The following C12orf42 variants were observed in gnomAD, a reference collection of about 807,000 sequenced individuals.
The protein encoded by C12orf42 is chromosome 12 open reading frame 42.
C12orf42 carries 25 observed loss-of-function variants against 21.6 expected under a neutral mutation model. The ratio of observed to expected loss-of-function variants is 1.16; its 90% CI spans 0.84 to 1.62. The LOEUF (loss-of-function observed/expected upper bound fraction) is 1.62, where lower values mean the gene tolerates loss of function less well. C12orf42 is among the 40% of genes most tolerant of loss of function. The pLI, the probability that C12orf42 is intolerant of heterozygous loss-of-function variation, is 0.00. For missense variants in C12orf42, 483 were observed against 459.3 expected (o/e 1.05, Z -0.47); for synonymous variants, 174 against 175.0 (o/e 0.99, Z 0.05).
intron 4 of C12orf42, among the ~76,000 whole-genome samples, chr12:103,279,012 TCTC>T (rs1193640681): frequency 2.0e-5 from 3 of 152,172 alleles, no homozygotes; most frequent in Admixed American, 6.5e-5. Flanking sequence ...CTTAACATAA[TCTC>T]CTCTGGGCTC....
chr12:103,465,811 T>C (rs1019360297), intron 2 of C12orf42, among the ~76,000 whole-genome samples: 1 of 152,178 alleles, frequency 6.6e-6, no homozygotes, highest in Non-Finnish European at 1.5e-5. Flanking sequence ...CATGAAGGGA[T>C]GTTGAATTTT....
chr12:103,339,265 G>C (rs1427441234), intron 4 of C12orf42, among the ~76,000 whole-genome samples: 1 of 152,152 alleles, frequency 6.6e-6, no homozygotes, highest in African/African-American at 2.4e-5. Context: ...AAGTAAACTT[G>C]CGTCATGGAG....
chr12:103,053,620 C>G, the C12orf42 span, among the ~76,000 whole-genome samples: 1 of 151,914 alleles, frequency 6.6e-6, no homozygotes, highest in East Asian at 1.9e-4. Context: ...TGAATTATCA[C>G]TTTTTAAAAA....
intron 10 of C12orf42, among the ~76,000 whole-genome samples, chr12:103,258,724 C>T (rs1426575777): frequency 6.6e-6 from 1 of 151,918 alleles, no homozygotes; most frequent in African/African-American, 2.4e-5. Context: ...TTCAGGGTAC[C>T]TTTGCAAATA....
At chr12:103,513,982 C>T in the C12orf42 span, among the ~76,000 whole-genome samples, 42 of 152,092 alleles carry the variant, frequency 2.8e-4, no homozygotes, top group Middle Eastern at 3.4e-3. Flanking sequence ...AAGACAAAAC[C>T]GAGACTAGGT....
At chr12:103,230,676 G>A in the C12orf42 span, among the ~76,000 whole-genome samples, 6 of 152,220 alleles carry the variant, frequency 3.9e-5, no homozygotes, top group African/African-American at 9.6e-5. Flanking sequence ...ATTCATTCCC[G>A]AAATTATTGA....
At chr12:103,480,966 GAC>G in intron 1 of C12orf42, among the ~76,000 whole-genome samples, 1 of 151,660 alleles carries the variant, frequency 6.6e-6, no homozygotes, top group East Asian at 1.9e-4. Flanking sequence ...GTTAATTACT[GAC>G]AGAGATATAT....
At chr12:103,257,637 G>A (rs977872913) in intron 10 of C12orf42, among the ~76,000 whole-genome samples, 5 of 151,860 alleles carry the variant, frequency 3.3e-5, no homozygotes, top group African/African-American at 9.7e-5. Context: ...ACATAGTTAA[G>A]GGAAACAGAA....
chr12:103,435,942 AT>A (rs1480423219), intron 2 of C12orf42, among the ~76,000 whole-genome samples: 77 of 149,188 alleles, frequency 5.2e-4, no homozygotes, highest in African/African-American at 1.8e-3. Flanking sequence ...TCCAAGACAC[AT>A]AATTGTCAGA....
the C12orf42 span, among the ~76,000 whole-genome samples, chr12:103,208,904 T>G: frequency 6.6e-6 from 1 of 152,134 alleles, no homozygotes; most frequent in Non-Finnish European, 1.5e-5. Flanking sequence ...CTTATCCTCA[T>G]GAACAGTTTC....
At chr12:103,526,953 C>A in the C12orf42 span, among the ~76,000 whole-genome samples, 11 of 152,178 alleles carry the variant, frequency 7.2e-5, no homozygotes, top group Non-Finnish European at 8.8e-5. Context: ...AAAACTTGTG[C>A]TTTCTTCATT....
At chr12:103,145,111 G>C in the C12orf42 span, among the ~76,000 whole-genome samples, 1 of 152,178 alleles carries the variant, frequency 6.6e-6, no homozygotes, top group East Asian at 1.9e-4. Context: ...ATAAGGGTTA[G>C]TATTGAATAT....
the C12orf42 span, among the ~76,000 whole-genome samples, chr12:103,217,709 C>G: frequency 6.6e-6 from 1 of 152,056 alleles, no homozygotes; most frequent in African/African-American, 2.4e-5. Context: ...CAGTCTGAAG[C>G]TTAGTGTGCA....
At chr12:103,412,215 C>A (rs2048903797) in intron 2 of C12orf42, among the ~76,000 whole-genome samples, 1 of 152,178 alleles carries the variant, frequency 6.6e-6, no homozygotes, top group Non-Finnish European at 1.5e-5. Flanking sequence ...TAGTTCAGAA[C>A]TGAAATGAGA....
At chr12:103,483,467 T>C (rs985608075) in intron 1 of C12orf42, among the ~76,000 whole-genome samples, 1 of 152,030 alleles carries the variant, frequency 6.6e-6, no homozygotes, top group Non-Finnish European at 1.5e-5. Flanking sequence ...TAAATTAAAT[T>C]CTCCAGTTGA....
the C12orf42 span, among the ~76,000 whole-genome samples, chr12:103,560,929 G>A: frequency 6.6e-6 from 1 of 152,182 alleles, no homozygotes; most frequent in East Asian, 1.9e-4. Flanking sequence ...GCGTCACTGG[G>A]AGTCATCCTT....
the C12orf42 span, among the ~76,000 whole-genome samples, chr12:103,185,103 G>A: frequency 1.3e-5 from 2 of 152,154 alleles, no homozygotes. Context: ...CAGTAACTAA[G>A]GGTATGGGAT....
At chr12:103,233,423 A>C (rs149661644), downstream of C12orf42, among the ~76,000 whole-genome samples, 1,802 of 152,334 alleles carry the variant, frequency 0.012, 38 homozygotes, top group African/African-American at 0.041. Context: ...AAGAACTGAC[A>C]TCTTGACAAT....
intron 2 of C12orf42, among the ~76,000 whole-genome samples, chr12:103,432,358 G>A (rs1294701958): frequency 6.6e-6 from 1 of 152,172 alleles, no homozygotes; most frequent in Admixed American, 6.5e-5. Flanking sequence ...TAGAGAGGCA[G>A]TTCAACAACC....
Sources: gnomAD v4.1 joint callset for allele counts (sites outside exome capture counted in the v4.1 genomes callset) on GRCh38, gnomAD v4.1.1 for gene constraint, MANE v1.5 for transcripts, NCBI Gene and HGNC (gene_info 2026-07-23, HGNC 2026-07-21) for gene names.